Variants in PDZD2 observed in about 807,000 individuals in gnomAD.
PDZD2 encodes PDZ domain-containing protein 2.
A neutral mutation model predicts 220.7 loss-of-function variants in PDZD2; 90 were observed. That is an observed-to-expected ratio of 0.41 (90% CI 0.34 to 0.49). The LOEUF is 0.49. Ranked by LOEUF, PDZD2 falls within the 20% of genes least tolerant of loss-of-function variation. PDZD2 has a pLI of 0.28. For missense variants in PDZD2, 3,174 were observed against 3,608.5 expected (o/e 0.88, Z 3.08); for synonymous variants, 1,375 against 1,450.5 (o/e 0.95, Z 1.18).
intron 2 of PDZD2, among the ~76,000 whole-genome samples, chr5:31,865,551 ATCCTCCTGCCTCAGGT>A (rs1298260003): frequency 6.8e-6 from 1 of 147,486 alleles, no homozygotes; most frequent in Non-Finnish European, 1.5e-5. Context: ...GGCTCAAACA[ATCCTCCTGCCTCAGGT>A]TCCCAAAGTG....
chr5:31,789,257 C>T (rs1200649929), intron 1 of PDZD2, among the ~76,000 whole-genome samples: 1 of 152,210 alleles, frequency 6.6e-6, no homozygotes, highest in African/African-American at 2.4e-5. Context: ...CTCCCAAAAA[C>T]TTCATGAGCC....
chr5:31,849,930 ATACACATAT>A, intron 2 of PDZD2, among the ~76,000 whole-genome samples: 1 of 21,424 alleles, frequency 4.7e-5, no homozygotes, highest in Non-Finnish European at 8.0e-5. Flanking sequence ...ATATATATAT[ATACACATAT>A]ATATATATAC....
At chr5:31,862,599 TC>T (rs2150313791) in intron 2 of PDZD2, among the ~76,000 whole-genome samples, 1 of 150,956 alleles carries the variant, frequency 6.6e-6, no homozygotes, top group Admixed American at 6.6e-5. Flanking sequence ...TTCACTCTGA[TC>T]CCCAGGCTGG....
chr5:31,713,358 T>C (rs2150140906), intron 1 of PDZD2, among the ~76,000 whole-genome samples: 1 of 152,356 alleles, frequency 6.6e-6, no homozygotes, highest in Admixed American at 6.5e-5. Context: ...GCTAAGTGAT[T>C]TTCCACCATG....
intron 2 of PDZD2, among the ~76,000 whole-genome samples, chr5:31,956,389 A>G (rs1407019732): frequency 7.1e-6 from 1 of 141,806 alleles, no homozygotes; most frequent in Non-Finnish European, 1.5e-5. Context: ...CTAAACATTG[A>G]GAGGAAACTC....
intron 1 of PDZD2, among the ~76,000 whole-genome samples, chr5:31,645,233 C>G (rs1490292692): frequency 6.6e-6 from 1 of 152,094 alleles, no homozygotes; most frequent in Non-Finnish European, 1.5e-5. Context: ...AAGGGGCGTC[C>G]ATGGCATATT....
Position 32,109,600 on chromosome 5 carries a change from G to GTAGT in PDZD2, c.*1468_*1471dup, listed in dbSNP as rs1200436047. 6.6e-6 allele frequency: 1 copy of GTAGT among 152,268 alleles called. No homozygotes were observed. The highest frequency in any genetic ancestry group is 2.4e-5 in the African/African-American group (1 of 41,460). The allele number at this position is 152,268 out of a possible 1,614,324, so 9.4% of individuals were successfully genotyped here. On this transcript the variant is annotated 3_prime_UTR_variant, in exon 25 of 25. Transcript: ENST00000438447. ...TGAGTCAAGGTAAAGGAGCAGAAAT[G>GTAGT]TAGTTACAAGCCAGGTCGTCTTCAG...
chr5:31,954,075 C>T (rs1747433812), intron 2 of PDZD2, among the ~76,000 whole-genome samples: 2 of 151,784 alleles, frequency 1.3e-5, no homozygotes, highest in African/African-American at 4.8e-5. Flanking sequence ...ATGATCGTGC[C>T]ACTGCCTTCC....
intron 2 of PDZD2, among the ~76,000 whole-genome samples, chr5:31,914,860 C>T (rs10067626): frequency 0.15 from 22,258 of 152,146 alleles, 2,995 homozygotes; most frequent in African/African-American, 0.36. Context: ...GGCTTAGCAG[C>T]CGCAGTAATT....
chr5:31,956,552 A>T (rs1747711184), intron 2 of PDZD2, among the ~76,000 whole-genome samples: 2 of 147,312 alleles, frequency 1.4e-5, no homozygotes, highest in South Asian at 4.2e-4. Flanking sequence ...GTCTCAAAAA[A>T]AAAAAAATAA....
At chr5:32,051,707 T>C (rs181173085) in intron 8 of PDZD2, among the ~76,000 whole-genome samples, 1 of 152,244 alleles carries the variant, frequency 6.6e-6, no homozygotes, top group Non-Finnish European at 1.5e-5. Flanking sequence ...AGCTGCTGCG[T>C]GTCAGGAAGG....
chr5:32,059,403 ATGAAATATACACGTG>A, intron 13 of PDZD2, 47 bp downstream of exon 13: 1 of 947,392 alleles, frequency 1.1e-6, no homozygotes, highest in South Asian at 1.4e-5. Flanking sequence ...GTTCATAAAT[ATGAAATATACACGTG>A]TGATATTTGT....
At chr5:31,640,944 T>C (rs1483769391) in intron 1 of PDZD2, among the ~76,000 whole-genome samples, 1 of 152,206 alleles carries the variant, frequency 6.6e-6, no homozygotes, top group African/African-American at 2.4e-5. Flanking sequence ...TAAATGTACC[T>C]ACCTTGACAT....
intron 2 of PDZD2, among the ~76,000 whole-genome samples, chr5:31,979,404 C>A (rs1750082543): frequency 6.6e-6 from 1 of 151,954 alleles, no homozygotes; most frequent in Admixed American, 6.6e-5. Context: ...CATGGTGAAA[C>A]CCCATCTCTA....
intron 1 of PDZD2, among the ~76,000 whole-genome samples, chr5:31,775,858 G>A (rs779171948): frequency 2.0e-5 from 3 of 152,106 alleles, no homozygotes; most frequent in South Asian, 2.1e-4. Context: ...GCTGAGCTTT[G>A]TGAGCTTCCG....
intron 2 of PDZD2, among the ~76,000 whole-genome samples, chr5:31,963,436 G>A (rs929616933): frequency 6.6e-5 from 10 of 152,214 alleles, no homozygotes; most frequent in Admixed American, 2.6e-4. Flanking sequence ...GCCAGAACAG[G>A]GTGGGTGCTG....
intron 1 of PDZD2, among the ~76,000 whole-genome samples, chr5:31,764,470 G>C (rs558867248): frequency 1.3e-5 from 2 of 152,132 alleles, no homozygotes; most frequent in Non-Finnish European, 2.9e-5. Context: ...GGGCAACCTC[G>C]AGTCAAAGCC....
At chr5:32,022,763 T>C (rs1236049268) in intron 6 of PDZD2, among the ~76,000 whole-genome samples, 4 of 152,206 alleles carry the variant, frequency 2.6e-5, no homozygotes, top group Non-Finnish European at 5.9e-5. Context: ...ACAAAGTCTA[T>C]TGAGCAAAAT....
intron 7 of PDZD2, among the ~76,000 whole-genome samples, chr5:32,043,913 C>T (rs767758319): frequency 5.3e-5 from 8 of 152,286 alleles, no homozygotes; most frequent in Non-Finnish European, 8.8e-5. Context: ...AGATGTGAGC[C>T]ACCGTGCACG....
Sources: gnomAD v4.1 joint callset for allele counts (sites outside exome capture counted in the v4.1 genomes callset) on GRCh38, gnomAD v4.1.1 for gene constraint, MANE v1.5 for transcripts, NCBI Gene and HGNC (gene_info 2026-07-23, HGNC 2026-07-21) for gene names.